Variants in ABI3BP observed in about 807,000 individuals in gnomAD.
ABI3BP encodes the protein target of Nesh-SH3.
Under a neutral mutation model 268.6 loss-of-function variants are expected in ABI3BP, and 216 were observed. That is an observed-to-expected ratio of 0.80 (90% confidence interval 0.72 to 0.90). The LOEUF is 0.90. ABI3BP is among the 40% of genes least tolerant of loss of function. ABI3BP has a pLI of 0.00. For synonymous variants in ABI3BP, 730 were observed against 730.0 expected (o/e 1.00, Z 0.00); for missense variants, 2,090 against 2,182.4 (o/e 0.96, Z 0.84).
chr3:100,948,451 C>A (rs1017260599), intron 1 of ABI3BP, among the ~76,000 whole-genome samples: 2 of 151,932 alleles, frequency 1.3e-5, no homozygotes, highest in African/African-American at 4.8e-5. Flanking sequence ...GTCCTTACTG[C>A]AAACAGAATG....
chr3:100,783,153 G>T (rs1462208624), intron 57 of ABI3BP, among the ~76,000 whole-genome samples: 1 of 152,188 alleles, frequency 6.6e-6, no homozygotes, highest in African/African-American at 2.4e-5. Context: ...GATCAAAAAG[G>T]GGTGATATTT....
intron 33 of ABI3BP, among the ~76,000 whole-genome samples, 163 bp from the exon 34 acceptor site, chr3:100,828,615 G>A (rs890854516): frequency 3.3e-5 from 5 of 152,080 alleles, no homozygotes; most frequent in African/African-American, 1.2e-4. Context: ...CTCTGTCCTT[G>A]GGTACCAATT....
intron 1 of ABI3BP, among the ~76,000 whole-genome samples, chr3:100,941,182 G>A (rs971338844): frequency 6.6e-6 from 1 of 151,792 alleles, no homozygotes; most frequent in Admixed American, 6.6e-5. Context: ...TCAAATGACA[G>A]CATTTCATGA....
intron 27 of ABI3BP, 21 bp downstream of exon 27, chr3:100,837,103 G>A (rs1318272754): frequency 6.5e-7 from 1 of 1,527,632 alleles, no homozygotes; most frequent in African/African-American, 1.4e-5. Flanking sequence ...CATTGGCCAA[G>A]AAGGAAGAAA....
intron 1 of ABI3BP, among the ~76,000 whole-genome samples, chr3:100,986,428 A>G (rs554314966): frequency 2.5e-4 from 38 of 152,312 alleles, no homozygotes; most frequent in South Asian, 2.3e-3. Flanking sequence ...ATGTGTGTTG[A>G]TAATTTTGTG....
chr3:100,887,173 A>G (rs926987429), intron 4 of ABI3BP, among the ~76,000 whole-genome samples: 6 of 151,992 alleles, frequency 3.9e-5, no homozygotes, highest in Non-Finnish European at 8.8e-5. Flanking sequence ...GAATCGAAAT[A>G]CAAAGACAGA....
chr3:100,910,176 A>C (rs1339069826), intron 2 of ABI3BP, among the ~76,000 whole-genome samples: 1 of 152,136 alleles, frequency 6.6e-6, no homozygotes, highest in Non-Finnish European at 1.5e-5. Flanking sequence ...ACCAAACGCC[A>C]CATGTTCTCA....
In ABI3BP at chr3:100,752,953, A is replaced by C. The variant is rs766200453; in HGVS notation, c.4961-5T>G. The C allele has an allele frequency of 1.9e-6, 3 of 1,607,864 alleles. No homozygotes were observed. In the East Asian group the frequency reaches 6.7e-5, roughly 36 times the overall value. On this transcript the variant is annotated splice_region_variant and splice_polypyrimidine_tract_variant and intron_variant, in intron 65 of 67. Transcript: ENST00000471714. ...TCCAGATGGCATCTCTTCCTGCTAC[A>C]AAAGGAAAATAGTTTGAGTTTAGTA...
chr3:100,829,458 C>T (rs2098447168), intron 33 of ABI3BP, 123 bp downstream of exon 33: 4 of 848,192 alleles, frequency 4.7e-6, no homozygotes, highest in Non-Finnish European at 7.4e-6. Context: ...ATCTCCCCAG[C>T]CCTGTTCCTC....
Position 100,817,455 on chromosome 3 carries a change from C to T in ABI3BP, c.3129G>A (p.Lys1043=), listed in dbSNP as rs2098089857. 1.3e-6 allele frequency: 2 copies of T among 1,509,916 alleles called. No homozygotes were observed. The highest frequency in any genetic ancestry group is 1.8e-6 in the Non-Finnish European group (2 of 1,130,466). The allele number at this position is 1,509,916 out of a possible 1,614,324, so 93.5% of individuals were successfully genotyped here. ...CATTACCTAACGTTGTTTCTGGAAA[C>T]TTGGTTCTAAAAGTGTCAGGTTCAA... ...TVLEPDTFRT[K]FPETTLAPKT... Residue 1043 remains lysine (K), a synonymous_variant, in exon 42 of 68, where the codon AAG becomes AAA. Coordinates refer to ENST00000471714, the MANE Select transcript of ABI3BP (RefSeq NM_001375547.2).
At position 100,828,393 on chromosome 3, in the gene ABI3BP, C is replaced by T. The variant is rs764545386; in HGVS notation, c.2602G>A (p.Val868Ile). 4.6e-5 allele frequency: 70 copies of T among 1,534,118 alleles called. No individual in the cohort carries two copies. Among genetic ancestry groups the T allele is most frequent in the Admixed American group, 2.7e-4 (14 of 50,940 alleles). Residue 868 changes from valine to isoleucine, a missense_variant and splice_region_variant, in exon 34 of 68, where the codon GTT becomes ATT. Coordinates refer to ENST00000471714, the MANE Select transcript of ABI3BP (RefSeq NM_001375547.2). ...PIKEAPGTTFVPVTDLEPVTF... is the reference protein window; with the variant it reads ...PIKEAPGTTFIPVTDLEPVTF... ...GCTGAAGATCAAAAAGTGGCATTAC[C>T]GAATGTTGTCCCTGGAGCCTCTTTT...
intron 4 of ABI3BP, among the ~76,000 whole-genome samples, chr3:100,895,224 C>T (rs962059420): frequency 1.3e-5 from 2 of 152,062 alleles, no homozygotes; most frequent in Non-Finnish European, 2.9e-5. Context: ...AATGGGTACA[C>T]TCTTCCATTC....
At chr3:100,943,305 T>C (rs1417394835) in intron 1 of ABI3BP, among the ~76,000 whole-genome samples, 1 of 152,136 alleles carries the variant, frequency 6.6e-6, no homozygotes, top group Non-Finnish European at 1.5e-5. Context: ...TCTTAATTTT[T>C]AATTAATTTC....
chr3:100,959,133 T>G (rs1430073973), intron 1 of ABI3BP, among the ~76,000 whole-genome samples: 7 of 152,102 alleles, frequency 4.6e-5, no homozygotes, highest in Non-Finnish European at 8.8e-5. Context: ...GGCCAGACCA[T>G]TAGAGACCTT....
chr3:100,953,672 G>A (rs1304240314), intron 1 of ABI3BP, among the ~76,000 whole-genome samples: 2 of 152,018 alleles, frequency 1.3e-5, no homozygotes, highest in Admixed American at 1.3e-4. Flanking sequence ...GTCATACAAA[G>A]CAATGCTTTA....
chr3:100,763,712 A>AT (rs1331238051), intron 63 of ABI3BP, among the ~76,000 whole-genome samples: 1 of 152,238 alleles, frequency 6.6e-6, no homozygotes, highest in Non-Finnish European at 1.5e-5. Flanking sequence ...TGTGAGCCCC[A>AT]TGACCTGTGA....
At chr3:100,904,267 A>G (rs1265139588) in intron 2 of ABI3BP, among the ~76,000 whole-genome samples, 1 of 152,136 alleles carries the variant, frequency 6.6e-6, no homozygotes, top group African/African-American at 2.4e-5. Context: ...CCCCATGCTT[A>G]GAAAAGCCCT....
At chr3:100,842,142 G>T in intron 20 of ABI3BP, 103 bp from the exon 21 acceptor site, 2 of 941,620 alleles carry the variant, frequency 2.1e-6, no homozygotes, top group Non-Finnish European at 3.2e-6. Flanking sequence ...CTGGGTGAAT[G>T]ATTAGGTTCT....
At chr3:100,952,100 GA>G (rs1378203945) in intron 1 of ABI3BP, among the ~76,000 whole-genome samples, 3 of 152,202 alleles carry the variant, frequency 2.0e-5, no homozygotes, top group Admixed American at 6.5e-5. Flanking sequence ...TCTCTAAGGG[GA>G]AAAGGCATTT....
Sources: gnomAD v4.1 joint callset for allele counts (sites outside exome capture counted in the v4.1 genomes callset) on GRCh38, gnomAD v4.1.1 for gene constraint, MANE v1.5 for transcripts, NCBI Gene and HGNC (gene_info 2026-07-23, HGNC 2026-07-21) for gene names.